Variants in TASOR observed in about 807,000 individuals in gnomAD.
TASOR encodes the protein protein TASOR.
In TASOR, 53 loss-of-function variants were observed where a neutral mutation model predicts 178.6. The ratio of observed to expected loss-of-function variants is 0.30; its 90% CI spans 0.24 to 0.37. The LOEUF (loss-of-function observed/expected upper bound fraction) is 0.37. Among genes scored for constraint, TASOR ranks in the 10% least tolerant of loss-of-function variants. TASOR has a pLI of 1.00. For synonymous variants in TASOR, 713 were observed against 696.2 expected, an observed-to-expected ratio of 1.02 and a Z score of -0.38; for missense variants, 1,815 against 1,971.4, an observed-to-expected ratio of 0.92 and a Z score of 1.50.
intron 11 of TASOR, among the ~76,000 whole-genome samples, chr3:56,656,831 G>A (rs1403419865): frequency 1.3e-5 from 2 of 151,450 alleles, no homozygotes; most frequent in African/African-American, 2.4e-5. Context: ...CCAACATGGA[G>A]GAAGTCCCAT....
At position 56,627,018 on chromosome 3, in the gene TASOR, G is replaced by C; in HGVS notation, c.4139+19C>G. ...TGTTAAAATCAACAACCATTATATA[G>C]TTATGTTTCAAAGCTTACCTGCCTA... is the stretch of plus-strand genomic sequence containing the variant. On this transcript the variant is annotated intron_variant, in intron 21 of 23. Coordinates refer to ENST00000683822, the MANE Select transcript of TASOR (RefSeq NM_001365635.2). 1 of 1,393,840 alleles carries C rather than the reference G, an allele frequency of 7.2e-7. No individual in the cohort carries two copies. Among genetic ancestry groups the C allele is most frequent in the Non-Finnish European group, 1.0e-6 (1 of 989,326 alleles). The allele number at this position is 1,393,840 out of a possible 1,614,324, so 86.3% of individuals were successfully genotyped here.
At chr3:56,677,401 A>G (rs955019401) in intron 1 of TASOR, among the ~76,000 whole-genome samples, 2 of 152,212 alleles carry the variant, frequency 1.3e-5, no homozygotes, top group Non-Finnish European at 2.9e-5. Flanking sequence ...CACCTTCAAT[A>G]CTGTACTAAG....
At chr3:56,634,090 A>G (rs1050063702) in intron 17 of TASOR, 124 bp from the exon 18 acceptor site, 15 of 780,100 alleles carry the variant, frequency 1.9e-5, no homozygotes, top group African/African-American at 3.5e-5. Flanking sequence ...ATTAGAAGGT[A>G]AAATAAAATC....
Position 56,623,049 on chromosome 3 carries a change from T to C in TASOR, c.5001A>G (p.Ser1667=), listed in dbSNP as rs1559808582. The change falls in exon 24 of 24, where the codon TCA becomes TCG. Residue 1667 remains serine (S), a synonymous_variant. Transcript: ENST00000683822. ...AAAGTTACTACAGTTATTTCTCTTG[T>C]GAATATGGCCTGGAAGAATCACTTT... ...WGKSDSSRPY[S]QEK is the part of the protein sequence containing the mutation. 1.3e-6 allele frequency: 2 copies of C among 1,543,310 alleles called. No individual in the cohort carries two copies. The highest frequency in any genetic ancestry group is 1.7e-6 in the Non-Finnish European group (2 of 1,148,754).
chr3:56,662,864 A>C (rs1416734087), intron 8 of TASOR, among the ~76,000 whole-genome samples: 1 of 152,142 alleles, frequency 6.6e-6, no homozygotes, highest in Non-Finnish European at 1.5e-5. Context: ...TCTTCTACTC[A>C]TTGTGTTTTC....
chr3:56,678,217 T>A (rs1016376526), intron 1 of TASOR, among the ~76,000 whole-genome samples: 6 of 137,502 alleles, frequency 4.4e-5, no homozygotes, highest in Non-Finnish European at 9.1e-5. Context: ...AGTTCTGCAC[T>A]GTTGCCCGGG....
In TASOR at chr3:56,673,738, A is replaced by C; in HGVS notation, c.332-13T>G. The stretch of plus-strand genomic sequence containing the variant: ...GGCTGGAAAAGTGCTAAAATAAAAA[A>C]ACAAACATTTAAAATGTTTAACATT... On this transcript the variant is annotated splice_polypyrimidine_tract_variant and intron_variant, in intron 1 of 23. Transcript: ENST00000683822. The C allele has an allele frequency of 1.3e-6, 2 of 1,537,886 alleles. No individual in the cohort carries two copies. The highest frequency in any genetic ancestry group is 1.8e-6 in the Non-Finnish European group (2 of 1,142,606).
chr3:56,624,290 C>T (rs941250637), intron 23 of TASOR, among the ~76,000 whole-genome samples, 189 bp downstream of exon 23: 5 of 152,082 alleles, frequency 3.3e-5, no homozygotes, highest in Non-Finnish European at 7.4e-5. Flanking sequence ...ACACTGGCTA[C>T]AGTATAATAA....
At chr3:56,677,152 C>T (rs997954616) in intron 1 of TASOR, among the ~76,000 whole-genome samples, 10 of 152,168 alleles carry the variant, frequency 6.6e-5, no homozygotes, top group African/African-American at 2.4e-4. Flanking sequence ...CCTCAGAGGT[C>T]ATTTAACACT....
At chr3:56,637,097 C>G (rs1348036071) in intron 17 of TASOR, among the ~76,000 whole-genome samples, 1 of 152,148 alleles carries the variant, frequency 6.6e-6, no homozygotes, top group Non-Finnish European at 1.5e-5. Flanking sequence ...TGAGTAGGCT[C>G]TATTTATCCT....
chr3:56,666,466 T>A (rs914799435), intron 6 of TASOR, 82 bp from the exon 7 acceptor site: 2 of 1,138,926 alleles, frequency 1.8e-6, no homozygotes, highest in African/African-American at 3.2e-5. Context: ...TTCTGAGAAA[T>A]AGAAAACCAT....
Position 56,670,940 on chromosome 3 carries a change from C to CAAAAAAAAAAAAAA in TASOR, c.570+646_570+659dup, listed in dbSNP as rs11300845. Among the ~76,000 whole-genome samples the CAAAAAAAAAAAAAA allele has an allele frequency of 1.8e-4, 10 of 54,186 alleles. 1 individual carries two copies. The highest frequency in any genetic ancestry group is 8.9e-4 in the South Asian group (1 of 1,128). 35.5% of individuals were successfully genotyped at this position (54,186 alleles called of 152,430 possible). On this transcript the variant is annotated intron_variant, in intron 3 of 23. Transcript: ENST00000683822. ...TGAGCAACAGAGTGAGACTCCATCTCAAAAAAAAAAAAAAAAAAAAAAGGA... is the reference window on the plus strand; with the variant it reads ...TGAGCAACAGAGTGAGACTCCATCTCAAAAAAAAAAAAAAAAAAAAAAAAAAAAAAAAAAAAGGA...
Position 56,621,072 on chromosome 3 carries a change from G to GAGA in TASOR, c.*1962_*1964dup, listed in dbSNP as rs2076477246. ...CCAGCCATTCGGGAGGTTGAGGCAG[G>GAGA]AGAATGGTGTGAACCTGGGAGGCAG... On this transcript the variant is annotated 3_prime_UTR_variant, in exon 24 of 24. Coordinates refer to ENST00000683822, the MANE Select transcript of TASOR (RefSeq NM_001365635.2). 1 of 152,100 alleles carries GAGA rather than the reference G, an allele frequency of 6.6e-6. No homozygotes were observed. The highest frequency in any genetic ancestry group is 2.4e-5 in the African/African-American group (1 of 41,292). The allele number at this position is 152,100 out of a possible 1,614,324, so 9.4% of individuals were successfully genotyped here.
At chr3:56,639,460 C>A (rs2077079491) in intron 16 of TASOR, among the ~76,000 whole-genome samples, 2 of 151,844 alleles carry the variant, frequency 1.3e-5, no homozygotes, top group Non-Finnish European at 2.9e-5. Flanking sequence ...TTTTGCCTCA[C>A]AGTTCAATAA....
chr3:56,652,802 A>G (rs527625280), intron 11 of TASOR, among the ~76,000 whole-genome samples: 2 of 152,350 alleles, frequency 1.3e-5, no homozygotes, highest in Non-Finnish European at 2.9e-5. Context: ...GTGAAATTAA[A>G]AACACAATAA....
At chr3:56,642,836 C>T (rs1405702869) in intron 14 of TASOR, among the ~76,000 whole-genome samples, 5 of 152,082 alleles carry the variant, frequency 3.3e-5, no homozygotes, top group Admixed American at 6.5e-5. Context: ...ATTCGCTGGG[C>T]GTAGTGGCAT....
chr3:56,682,448 G>A (rs542127735), intron 1 of TASOR, among the ~76,000 whole-genome samples: 2 of 152,150 alleles, frequency 1.3e-5, no homozygotes, highest in East Asian at 1.9e-4. Context: ...CTTCAAACCT[G>A]AGCTACTTCC....
chr3:56,644,048 A>G (rs887167893), intron 14 of TASOR, among the ~76,000 whole-genome samples: 3 of 152,232 alleles, frequency 2.0e-5, no homozygotes, highest in Non-Finnish European at 4.4e-5. Flanking sequence ...AAACAGTACC[A>G]AAAAATAAGT....
Position 56,648,814 on chromosome 3 carries a change from G to T in TASOR, c.1513+8C>A. The stretch of plus-strand genomic sequence containing the variant: ...AAGTAACCAGATTTAGATATTCAAA[G>T]AACTTACAAGTAACTATGCTTCTAG... On this transcript the variant is annotated splice_region_variant and intron_variant, in intron 13 of 23. Transcript: ENST00000683822. 6.3e-7 allele frequency: 1 copy of T among 1,594,426 alleles called. No homozygotes were observed. Among genetic ancestry groups the T allele is most frequent in the South Asian group, 1.1e-5 (1 of 87,998 alleles).
Sources: allele counts gnomAD v4.1 joint callset (sites outside exome capture counted in the v4.1 genomes callset), GRCh38; gene constraint gnomAD v4.1.1; transcripts MANE v1.5; gene names NCBI Gene and HGNC (gene_info 2026-07-23, HGNC 2026-07-21).